Variants in ANXA2 observed in about 807,000 individuals in gnomAD.
ANXA2 encodes the protein annexin II.
ANXA2 carries 28 observed loss-of-function variants against 47.3 expected under a neutral mutation model. That is an observed-to-expected ratio of 0.59 (90% CI 0.44 to 0.81). ANXA2 has a LOEUF of 0.81. Ranked by LOEUF, ANXA2 falls within the 40% of genes least tolerant of loss-of-function variation. ANXA2 has a pLI of 0.00. For missense variants in ANXA2, 384 were observed against 414.3 expected (o/e 0.93, Z 0.64); for synonymous variants, 172 against 155.5 (o/e 1.11, Z -0.79).
At chr15:60,377,472 C>G (rs2140896120) in intron 3 of ANXA2, among the ~76,000 whole-genome samples, 1 of 152,296 alleles carries the variant, frequency 6.6e-6, no homozygotes, top group Non-Finnish European at 1.5e-5. Context: ...CTCGGAGATA[C>G]TACTGGTTCG....
chr15:60,379,122 T>TA (rs2062820181), intron 3 of ANXA2, among the ~76,000 whole-genome samples: 1 of 151,116 alleles, frequency 6.6e-6, no homozygotes, highest in South Asian at 2.1e-4. Flanking sequence ...CTACTAAAAA[T>TA]ACAAAAATTA....
chr15:60,357,044 T>C, intron 6 of ANXA2, 102 bp downstream of exon 6: 1 of 1,036,372 alleles, frequency 9.6e-7, no homozygotes, highest in Non-Finnish European at 1.5e-6. Flanking sequence ...CTTCTGCACA[T>C]CACTAATGCA....
intron 8 of ANXA2, among the ~76,000 whole-genome samples, chr15:60,353,164 T>C (rs527289058): frequency 3.3e-5 from 5 of 152,204 alleles, no homozygotes; most frequent in Admixed American, 6.5e-5. Flanking sequence ...TTAATTTAAA[T>C]TAATTTTTTT....
intron 1 of ANXA2, chr15:60,390,421 G>T: frequency 1.9e-6 from 1 of 532,270 alleles, no homozygotes; most frequent in Non-Finnish European, 3.5e-6. Context: ...AGTGTGGCAA[G>T]CACCAACCCC....
chr15:60,390,475 G>C, intron 1 of ANXA2: 1 of 509,264 alleles, frequency 2.0e-6, no homozygotes, highest in Non-Finnish European at 3.9e-6. Context: ...CCCAGGGAAA[G>C]CGGCGTTATG....
At chr15:60,387,150 G>GTGTGCTTCCCA (rs1324081376) in intron 1 of ANXA2, 1 of 152,198 alleles carries the variant, frequency 6.6e-6, no homozygotes, top group Non-Finnish European at 1.5e-5. Context: ...CAGATCCCAG[G>GTGTGCTTCCCA]CCTGGTGTGG....
At chr15:60,382,816 C>A in intron 2 of ANXA2, 1 of 162,972 alleles carries the variant, frequency 6.1e-6, no homozygotes, top group South Asian at 1.6e-4. Context: ...GTGGAAATGC[C>A]TCAAGGACAA....
intron 1 of ANXA2, among the ~76,000 whole-genome samples, chr15:60,392,060 G>A: frequency 6.7e-6 from 1 of 149,420 alleles, no homozygotes; most frequent in East Asian, 1.9e-4. Flanking sequence ...TAAACTAGAG[G>A]TACAGGGAGA....
intron 1 of ANXA2, 162 bp downstream of exon 1, chr15:60,397,781 C>G: frequency 2.5e-6 from 3 of 1,211,168 alleles, no homozygotes; most frequent in Non-Finnish European, 2.1e-6. Context: ...GCCCCCTCCC[C>G]AAAGACTCTC....
At chr15:60,397,679 G>A (rs921615131) in intron 1 of ANXA2, among the ~76,000 whole-genome samples, 7 of 151,650 alleles carry the variant, frequency 4.6e-5, no homozygotes, top group Non-Finnish European at 1.0e-4. Flanking sequence ...GGGCTTCTTA[G>A]AGAAGCCCGA....
intron 3 of ANXA2, among the ~76,000 whole-genome samples, chr15:60,380,348 G>C (rs746953096): frequency 1.3e-5 from 2 of 151,982 alleles, no homozygotes; most frequent in Non-Finnish European, 2.9e-5. Context: ...GTGAGTTGTG[G>C]AGCCAGCATT....
At chr15:60,364,372 G>A in intron 4 of ANXA2, 57 bp downstream of exon 4, 18 of 1,398,484 alleles carry the variant, frequency 1.3e-5, no homozygotes, top group Non-Finnish European at 1.8e-5. Context: ...AAAAAGCAAT[G>A]TCTGAGGAAA....
chr15:60,372,834 C>T (rs1257593840), intron 3 of ANXA2, among the ~76,000 whole-genome samples: 1 of 151,782 alleles, frequency 6.6e-6, no homozygotes, highest in African/African-American at 2.4e-5. Context: ...GCTGGAAGCA[C>T]AGGCACTCAC....
At chr15:60,371,957 C>G (rs953747943) in intron 3 of ANXA2, among the ~76,000 whole-genome samples, 3 of 152,110 alleles carry the variant, frequency 2.0e-5, no homozygotes, top group African/African-American at 7.2e-5. Flanking sequence ...TGAGATCAGC[C>G]TCACTAACAC....
chr15:60,350,696 C>G (rs945147496), intron 11 of ANXA2, among the ~76,000 whole-genome samples: 1 of 151,976 alleles, frequency 6.6e-6, no homozygotes. Flanking sequence ...TCTGATAGAC[C>G]CAGGTTCAAA....
intron 5 of ANXA2, among the ~76,000 whole-genome samples, chr15:60,358,137 A>G (rs2062460933): frequency 6.6e-6 from 1 of 152,192 alleles, no homozygotes; most frequent in Non-Finnish European, 1.5e-5. Flanking sequence ...TTGTCCTTCC[A>G]TTTTTGCTTG....
rs1159267811 is a variant in ANXA2, at chr15:60,351,712, A to T, written c.778+12T>A. ...CTGATGTCTACCAGGAATGGGGGCC[A>T]CATTCACTTACCCAGGTTCAGGAAA... On this transcript the variant is annotated intron_variant, in intron 10 of 12. Transcript: ENST00000451270. The T allele has an allele frequency of 6.4e-7, 1 of 1,565,176 alleles. No homozygotes were observed. Among genetic ancestry groups the T allele is most frequent in the African/African-American group, 1.4e-5 (1 of 74,000 alleles).
intron 6 of ANXA2, among the ~76,000 whole-genome samples, chr15:60,356,769 T>C (rs941179404): frequency 1.3e-5 from 2 of 152,224 alleles, no homozygotes; most frequent in South Asian, 4.1e-4. Flanking sequence ...AATTCTTCAA[T>C]TATCCACAGT....
At chr15:60,357,333 G>T in intron 5 of ANXA2, 97 bp from the exon 6 acceptor site, 1 of 959,558 alleles carries the variant, frequency 1.0e-6, no homozygotes, top group African/African-American at 1.6e-5. Context: ...ACATGGATTG[G>T]GTCTGTTAGC....
Sources: gnomAD v4.1 joint callset for allele counts (sites outside exome capture counted in the v4.1 genomes callset) on GRCh38, gnomAD v4.1.1 for gene constraint, MANE v1.5 for transcripts, NCBI Gene and HGNC (gene_info 2026-07-23, HGNC 2026-07-21) for gene names.